Variants in TREH observed in about 807,000 individuals in gnomAD.
The protein encoded by TREH is alpha,alpha-trehalose glucohydrolase.
TREH carries 69 observed loss-of-function variants against 80.5 expected under a neutral mutation model. That is an observed-to-expected ratio of 0.86 (90% confidence interval 0.71 to 1.05). The LOEUF is 1.05. Ranked by LOEUF, TREH falls within the 50% of genes least tolerant of loss-of-function variation. The probability of loss-of-function intolerance (pLI) is 0.00; values close to 1 mark genes in which losing one functional copy is unlikely to be tolerated. For synonymous variants in TREH, 309 were observed against 293.5 expected (o/e 1.05, Z -0.54); for missense variants, 716 against 718.8 (o/e 1.00, Z 0.04).
intron 1 of TREH, among the ~76,000 whole-genome samples, chr11:118,670,594 A>G (rs1949421987): frequency 6.6e-6 from 1 of 152,254 alleles, no homozygotes; most frequent in South Asian, 2.1e-4. Context: ...CAACAATGCC[A>G]GTGCTTTATT....
rs782708475 is a variant in TREH at position 118,659,919 on chromosome 11, C to T, written c.1148G>A (p.Arg383His). The change falls in exon 11 of 15, where the codon CGC (arginine) becomes CAC (histidine). Residue 383 changes from arginine (R) to histidine (H), a missense_variant. Coordinates refer to ENST00000264029, the MANE Select transcript of TREH (RefSeq NM_007180.3). ...CAGGACTGTGTTCAGGGCGGCCAAG[C>T]GCTGCGACCGCAGGATTCTGTACTT... ...ATKYRILRSQRLAALNTVLWD... is the reference protein window; with the variant it reads ...ATKYRILRSQHLAALNTVLWD... 10 of 1,551,588 alleles carry T rather than the reference C, an allele frequency of 6.4e-6. No individual in the cohort carries two copies. The highest frequency in any genetic ancestry group is 3.9e-5 in the Admixed American group (2 of 50,990).
chr11:118,666,904 C>T (rs1287915453), intron 1 of TREH, among the ~76,000 whole-genome samples: 2 of 151,674 alleles, frequency 1.3e-5, no homozygotes, highest in African/African-American at 2.4e-5. Context: ...TTTTTTTAGA[C>T]GGAGTTTTGC....
rs371269112 is a variant in TREH at position 118,661,862 on chromosome 11, C to T, written c.524+28G>A. On this transcript the variant is annotated intron_variant, in intron 5 of 14. Transcript: ENST00000264029. This position sits in a 1 kb window ranked among gnomAD's most constrained non-coding sequence, Gnocchi z 4.2. The stretch of plus-strand genomic sequence containing the variant: ...TCCACCACTGCCAGTCCTGCAGGCC[C>T]CTTGGTCTCTTGGGCCTGGGCGCTC... 62 of 1,568,146 alleles carry T rather than the reference C, an allele frequency of 4.0e-5. No homozygotes were observed. Among genetic ancestry groups the T allele is most frequent in the Non-Finnish European group, 5.1e-5 (59 of 1,156,330 alleles).
At chr11:118,669,913 A>T (rs1267458086) in intron 1 of TREH, among the ~76,000 whole-genome samples, 9 of 152,072 alleles carry the variant, frequency 5.9e-5, no homozygotes, top group Non-Finnish European at 1.0e-4. Flanking sequence ...CACCCCATGT[A>T]CCCTGATGTC....
chr11:118,676,871 G>A (rs1455646917), intron 1 of TREH, among the ~76,000 whole-genome samples: 1 of 151,140 alleles, frequency 6.6e-6, no homozygotes, highest in African/African-American at 2.4e-5. Flanking sequence ...AAGGAGCTTA[G>A]AGGTTACTTT....
intron 10 of TREH, 73 bp from the exon 11 acceptor site, chr11:118,660,037 C>G: frequency 7.3e-7 from 1 of 1,376,124 alleles, no homozygotes; most frequent in Non-Finnish European, 9.9e-7. Flanking sequence ...CGTGGTTCTA[C>G]TTTAGCCTCC....
At chr11:118,664,032 G>C (rs1326552329) in intron 1 of TREH, among the ~76,000 whole-genome samples, 1 of 152,204 alleles carries the variant, frequency 6.6e-6, no homozygotes, top group African/African-American at 2.4e-5. Flanking sequence ...GTGCCCAGAA[G>C]AGTTCCTGAA....
intron 4 of TREH, 80 bp downstream of exon 4, chr11:118,662,801 C>G (rs117473781): frequency 2.0e-6 from 3 of 1,491,256 alleles, no homozygotes; most frequent in Non-Finnish European, 2.7e-6. Context: ...ATCTGTGCTC[C>G]GAAGACACTG....
chr11:118,664,462 G>C (rs1233340390), intron 1 of TREH, among the ~76,000 whole-genome samples: 2 of 152,210 alleles, frequency 1.3e-5, no homozygotes, highest in African/African-American at 2.4e-5. Context: ...CTATTAAAGT[G>C]TTGCCCACCT....
intron 1 of TREH, among the ~76,000 whole-genome samples, chr11:118,668,558 T>G: frequency 8.6e-5 from 2 of 23,368 alleles, no homozygotes; most frequent in African/African-American, 1.5e-4. Context: ...TGAGACTCTG[T>G]CTCAAAAAAA....
At chr11:118,679,175 T>C (rs1301683832) in intron 1 of TREH, among the ~76,000 whole-genome samples, 1 of 151,896 alleles carries the variant, frequency 6.6e-6, no homozygotes, top group Non-Finnish European at 1.5e-5. Flanking sequence ...AAAATTTTGG[T>C]AAAAATCAAT....
chr11:118,670,924 A>G (rs1555146214), intron 1 of TREH, among the ~76,000 whole-genome samples: 2 of 152,104 alleles, frequency 1.3e-5, no homozygotes, highest in African/African-American at 4.8e-5. Context: ...TAATGCATGG[A>G]TTCATTCATT....
At chr11:118,665,541 G>A (rs1555145599) in intron 1 of TREH, among the ~76,000 whole-genome samples, 1 of 152,168 alleles carries the variant, frequency 6.6e-6, no homozygotes, top group African/African-American at 2.4e-5. Context: ...TCAGGAGGCT[G>A]AGGCAGGAGG....
intron 1 of TREH, among the ~76,000 whole-genome samples, chr11:118,676,637 C>T (rs1262714618): frequency 1.1e-4 from 17 of 151,758 alleles, no homozygotes; most frequent in African/African-American, 3.6e-4. Context: ...CGTGGTGGTG[C>T]GTGCCTATAG....
At chr11:118,664,003 A>G (rs1555145465) in intron 1 of TREH, among the ~76,000 whole-genome samples, 1 of 152,192 alleles carries the variant, frequency 6.6e-6, no homozygotes, top group Non-Finnish European at 1.5e-5. Context: ...TGTCAGAGGA[A>G]CACTTTGTAA....
intron 10 of TREH, among the ~76,000 whole-genome samples, 159 bp downstream of exon 10, chr11:118,660,380 G>A (rs1949305926): frequency 6.6e-6 from 1 of 152,156 alleles, no homozygotes; most frequent in Non-Finnish European, 1.5e-5. Context: ...TTGTTCTCTT[G>A]TCTGGTACGC....
chr11:118,663,157 TG>T lies in TREH; in HGVS notation c.229del (p.His77ThrfsTer66). 1.2e-6 allele frequency: 2 copies of T among 1,613,634 alleles called. No individual in the cohort carries two copies. Among genetic ancestry groups the T allele is most frequent in the Non-Finnish European group, 8.5e-7 (1 of 1,179,726 alleles). The part of the protein sequence containing the change: ...LQTFTELSRD[H>X]NHSIPREQLQ... ...CTGCTCCCTGGGGATGCTGTGATTG[TG>T]GTCCCTGGACAGCTCAGTGAAGGTC... On this transcript the variant is annotated frameshift_variant, in exon 3 of 15. Coordinates refer to ENST00000264029, the MANE Select transcript of TREH (RefSeq NM_007180.3). LOFTEE classifies it high-confidence loss of function.
chr11:118,670,832 T>A (rs565471580), intron 1 of TREH, among the ~76,000 whole-genome samples: 1 of 152,344 alleles, frequency 6.6e-6, no homozygotes, highest in South Asian at 2.1e-4. Flanking sequence ...TATAATTGAA[T>A]GAAGAGGCGG....
intron 1 of TREH, among the ~76,000 whole-genome samples, chr11:118,666,084 A>G (rs1555145657): frequency 1.3e-5 from 2 of 152,182 alleles, no homozygotes; most frequent in Non-Finnish European, 2.9e-5. Context: ...TAAAAATACA[A>G]AAATTAGCTG....
Sources: allele counts gnomAD v4.1 joint callset (sites outside exome capture counted in the v4.1 genomes callset), GRCh38; gene constraint gnomAD v4.1.1; non-coding constraint Gnocchi (gnomAD v3.1); transcripts MANE v1.5; gene names NCBI Gene and HGNC (gene_info 2026-07-23, HGNC 2026-07-21).